The following ARFGAP2 variants were observed in gnomAD, a reference collection of about 807,000 sequenced individuals.
The protein encoded by ARFGAP2 is ADP-ribosylation factor GTPase-activating protein 2.
ARFGAP2 carries 45 observed loss-of-function variants against 71.9 expected under a neutral mutation model. The ratio of observed to expected loss-of-function variants is 0.63; its 90% CI spans 0.49 to 0.80. The LOEUF (loss-of-function observed/expected upper bound fraction) is 0.80. Ranked by LOEUF, ARFGAP2 falls within the 30% of genes least tolerant of loss-of-function variation. The pLI, the probability that ARFGAP2 is intolerant of heterozygous loss-of-function variation, is 0.00. For missense variants in ARFGAP2, 633 were observed against 673.9 expected, an observed-to-expected ratio of 0.94 and a Z score of 0.67; for synonymous variants, 248 against 249.2, an observed-to-expected ratio of 1.00 and a Z score of 0.05.
intron 10 of ARFGAP2, among the ~76,000 whole-genome samples, chr11:47,170,570 C>T (rs1952560715): frequency 6.6e-6 from 1 of 151,910 alleles, no homozygotes; most frequent in African/African-American, 2.4e-5. Flanking sequence ...TCACTTGAAC[C>T]CAGGAGGTAG....
intron 8 of ARFGAP2, chr11:47,172,056 C>A (rs776665609): frequency 1.4e-6 from 1 of 697,848 alleles, no homozygotes; most frequent in East Asian, 2.7e-5. Context: ...CCAAGCACTC[C>A]GCCAAGCACT....
At position 47,165,455 on chromosome 11, in the gene ARFGAP2, T is replaced by C. The variant is rs2135416634; in HGVS notation, c.*27A>G. On this transcript the variant is annotated 3_prime_UTR_variant, in exon 16 of 16. Transcript: ENST00000524782. The stretch of plus-strand genomic sequence containing the variant: ...TGTGGAGTTCTTGTTGCCGTCACCA[T>C]CGTAAGCCTGAGTCACAGAGCTCGG... 1.9e-6 allele frequency: 3 copies of C among 1,566,506 alleles called. No homozygotes were observed. Among genetic ancestry groups the C allele is most frequent in the Admixed American group, 3.7e-5 (2 of 53,770 alleles).
chr11:47,170,441 T>C (rs1250776499), intron 10 of ARFGAP2, among the ~76,000 whole-genome samples: 1 of 149,260 alleles, frequency 6.7e-6, no homozygotes, highest in East Asian at 2.0e-4. Context: ...AGGTCAAGAG[T>C]TCGACATCAG....
At chr11:47,173,983 A>C in intron 5 of ARFGAP2, 143 bp from the exon 6 acceptor site, 1 of 1,459,196 alleles carries the variant, frequency 6.9e-7, no homozygotes, top group Non-Finnish European at 9.2e-7. Context: ...ACAAGATCAC[A>C]GTTGCTATTC....
intron 10 of ARFGAP2, among the ~76,000 whole-genome samples, chr11:47,170,595 C>T (rs1342689106): frequency 6.7e-6 from 1 of 149,960 alleles, no homozygotes; most frequent in African/African-American, 2.5e-5. Flanking sequence ...TGCAGTGAGC[C>T]AAGATCGTGC....
At chr11:47,165,680 C>T (rs570814732) in intron 15 of ARFGAP2, among the ~76,000 whole-genome samples, 178 bp from the exon 16 acceptor site, 3 of 152,206 alleles carry the variant, frequency 2.0e-5, no homozygotes, top group African/African-American at 7.2e-5. Context: ...ACTCGGGCAC[C>T]CGACAACAGG....
At chr11:47,170,753 C>A (rs1053149274) in intron 10 of ARFGAP2, among the ~76,000 whole-genome samples, 4 of 152,082 alleles carry the variant, frequency 2.6e-5, no homozygotes, top group African/African-American at 9.7e-5. Context: ...CGAGACCAGG[C>A]TGGACAACAT....
intron 13 of ARFGAP2, 47 bp from the exon 14 acceptor site, chr11:47,166,646 C>G (rs1173431586): frequency 1.2e-6 from 2 of 1,606,306 alleles, no homozygotes; most frequent in Admixed American, 3.4e-5. Flanking sequence ...GGCTGATGAC[C>G]CAAGGACTCA....
At chr11:47,175,140 A>G (rs1166910366) in intron 4 of ARFGAP2, 42 bp from the exon 5 acceptor site, 1 of 1,613,808 alleles carries the variant, frequency 6.2e-7, no homozygotes, top group Non-Finnish European at 8.5e-7. Flanking sequence ...GGCTCTGAAT[A>G]CTCCTAACCC....
rs764382523 is a variant in ARFGAP2, at chr11:47,176,786, T to G, written c.68A>C (p.Asn23Thr). The change falls in exon 1 of 16, where the codon AAC (asparagine) becomes ACC (threonine). Residue 23 changes from asparagine to threonine, a missense_variant. Transcript: ENST00000524782. ...GCGCGCCCCCTGCTCACGCACCTTG[T>G]TGGTTGGAACTGCGCGAAGCCTCTT... ...LFKRLRAVPT[N>T]KACFDCGAKN... The G allele has an allele frequency of 6.2e-7, 1 of 1,614,126 alleles. No homozygotes were observed. The highest frequency in any genetic ancestry group is 1.1e-5 in the South Asian group (1 of 91,084).
Position 47,172,114 on chromosome 11 carries a change from G to A in ARFGAP2, c.672+167C>T, listed in dbSNP as rs576549518. The A allele has an allele frequency of 3.7e-6, 3 of 808,690 alleles. No individual in the cohort carries two copies. The African/African-American group carries it at 5.2e-5, about 14-fold the overall frequency. The allele number at this position is 808,690 out of a possible 1,614,324, so 50.1% of individuals were successfully genotyped here. On this transcript the variant is annotated intron_variant, in intron 8 of 15. Coordinates refer to ENST00000524782, the MANE Select transcript of ARFGAP2 (RefSeq NM_032389.6). ...TCCTCCCAGCAGCCCTTGAAGACAG[G>A]CTTTAAATCCCTTTAAATCTTTAAA...
Position 47,165,264 on chromosome 11 carries a change from G to A in ARFGAP2, c.*218C>T, listed in dbSNP as rs1952302660. The A allele has an allele frequency of 2.3e-6, 1 of 443,736 alleles. No individual in the cohort carries two copies. The highest frequency in any genetic ancestry group is 3.9e-6 in the Non-Finnish European group (1 of 255,812). 27.5% of individuals were successfully genotyped at this position (443,736 alleles called of 1,614,324 possible). A position where few individuals can be genotyped will look rare whatever the true frequency, so the allele number is the denominator to read the frequency against. On this transcript the variant is annotated 3_prime_UTR_variant, in exon 16 of 16. Transcript: ENST00000524782. ...GAGTCTAACACACGGAGGGTGGTGT[G>A]AGAGGGAATAAAGGGCTCAGTCCAC...
intron 2 of ARFGAP2, 57 bp from the exon 3 acceptor site, chr11:47,175,980 A>C (rs1212033709): frequency 1.9e-6 from 3 of 1,583,198 alleles, no homozygotes; most frequent in Non-Finnish European, 2.6e-6. Context: ...TTTCCCTGGC[A>C]ACCCGGATAC....
Position 47,166,397 on chromosome 11 carries a change from AGAGCAGGGT to A in ARFGAP2, c.1427-20_1427-12del. ...CCAGAGATACACTTCCTGTAAAACA[AGAGCAGGGT>A]GACCCAGAGCCCAGCAAGAAGCCCT... is the stretch of plus-strand genomic sequence containing the variant. On this transcript the variant is annotated splice_polypyrimidine_tract_variant and intron_variant, in intron 14 of 15. Coordinates refer to ENST00000524782, the MANE Select transcript of ARFGAP2 (RefSeq NM_032389.6). 1 of 1,613,692 alleles carries A rather than the reference AGAGCAGGGT, an allele frequency of 6.2e-7. No individual in the cohort carries two copies. The highest frequency in any genetic ancestry group is 1.1e-5 in the South Asian group (1 of 91,058).
chr11:47,171,630 G>C (rs776305378), intron 9 of ARFGAP2, 34 bp downstream of exon 9: 54 of 1,613,594 alleles, frequency 3.3e-5, no homozygotes, highest in Non-Finnish European at 4.3e-5. Context: ...ACCAAGCCCC[G>C]CAGAAGCCTG....
intron 5 of ARFGAP2, chr11:47,174,687 G>GC (rs1226330798): frequency 3.6e-6 from 1 of 279,760 alleles, no homozygotes; most frequent in African/African-American, 2.2e-5. Context: ...GAGCCACTGC[G>GC]CCCGGCCCAC....
chr11:47,164,443 C>G lies in ARFGAP2; in HGVS notation c.*1039G>C. ...GAGTGGTCTGTGTTGCTTGGGAGCC[C>G]AACCTACAACCCAAAGGTGGGGGCT... On this transcript the variant is annotated 3_prime_UTR_variant, in exon 16 of 16. Coordinates refer to ENST00000524782, the MANE Select transcript of ARFGAP2 (RefSeq NM_032389.6). 1 of 556,100 alleles carries G rather than the reference C, an allele frequency of 1.8e-6. No individual in the cohort carries two copies. Among genetic ancestry groups the G allele is most frequent in the Non-Finnish European group, 2.9e-6 (1 of 341,074 alleles). 34.4% of individuals were successfully genotyped at this position (556,100 alleles called of 1,614,324 possible).
In ARFGAP2 at chr11:47,168,248, A is replaced by G. The variant is rs767408649; in HGVS notation, c.945T>C (p.Ser315=). ...RLGMGLVSRS[S]VSHSVLSEMQ... is the part of the protein sequence containing the mutation. Reference sequence around the variant, plus strand: ...TCTCAGACAGCACGGAGTGGGAGACAGAGCTGCGCAGCAAAGCAGAGCCAG... The same window carrying G: ...TCTCAGACAGCACGGAGTGGGAGACGGAGCTGCGCAGCAAAGCAGAGCCAG... Residue 315 remains serine (S), a synonymous_variant, in exon 11 of 16, where the codon TCT becomes TCC. Coordinates refer to ENST00000524782, the MANE Select transcript of ARFGAP2 (RefSeq NM_032389.6). 1 of 1,614,096 alleles carries G rather than the reference A, an allele frequency of 6.2e-7. No homozygotes were observed. The highest frequency in any genetic ancestry group is 1.1e-5 in the South Asian group (1 of 91,064).
At chr11:47,174,911 A>T in intron 5 of ARFGAP2, 104 bp downstream of exon 5, 1 of 1,240,176 alleles carries the variant, frequency 8.1e-7, no homozygotes, top group Non-Finnish European at 1.2e-6. Context: ...CCAAGACATC[A>T]CATCAAAGCA....
Sources: allele counts gnomAD v4.1 joint callset (sites outside exome capture counted in the v4.1 genomes callset), GRCh38; gene constraint gnomAD v4.1.1; transcripts MANE v1.5; gene names NCBI Gene and HGNC (gene_info 2026-07-23, HGNC 2026-07-21).